The following KPTN variants were observed in gnomAD, a reference collection of about 807,000 sequenced individuals.
KPTN encodes KICSTOR complex protein kaptin.
A neutral mutation model predicts 52.6 loss-of-function variants in KPTN; 36 were observed. The ratio of observed to expected loss-of-function variants is 0.68; its 90% CI spans 0.52 to 0.90. The LOEUF is 0.90. Ranked by LOEUF, KPTN falls within the 40% of genes least tolerant of loss-of-function variation. The pLI, the probability that KPTN is intolerant of heterozygous loss-of-function variation, is 0.00. For missense variants in KPTN, 529 were observed against 576.2 expected (o/e 0.92, Z 0.84); for synonymous variants, 271 against 248.4 (o/e 1.09, Z -0.85).
chr19:47,483,581 T>C lies in KPTN; in HGVS notation c.230A>G (p.Asp77Gly). The C allele has an allele frequency of 6.4e-7, 1 of 1,553,810 alleles. No homozygotes were observed. Among genetic ancestry groups the C allele is most frequent in the Non-Finnish European group, 8.7e-7 (1 of 1,147,004 alleles). ...KELQFNYIPV[D>G]AEIVSIDTFN... ...AGTGTCGATGGAGACAATCTCCGCA[T>C]CCACTGGGAGGGGAGAGTTCTAAGT... is the stretch of plus-strand genomic sequence containing the variant. The change falls in exon 2 of 12, where the codon GAT becomes GGT. Residue 77 changes from aspartate to glycine, a missense_variant. Coordinates refer to ENST00000338134, the MANE Select transcript of KPTN (RefSeq NM_007059.4).
chr19:47,485,423 CTG>C (rs925491040), upstream of KPTN, among the ~76,000 whole-genome samples: 5 of 152,194 alleles, frequency 3.3e-5, no homozygotes, highest in Admixed American at 3.3e-4. Context: ...GGGTTCCTGT[CTG>C]TGCTGCTTTG....
chr19:47,475,538 G>A lies in KPTN; in HGVS notation c.1189C>T (p.Leu397=), dbSNP rs749554232. 1 of 1,612,674 alleles carries A rather than the reference G, an allele frequency of 6.2e-7. No homozygotes were observed. Among genetic ancestry groups the A allele is most frequent in the Non-Finnish European group, 8.5e-7 (1 of 1,178,926 alleles). ...LKGVHILQHS[L]IQASELVLTR... ...AAGACCAGCTCTGAGGCCTGAATCAGGCTGTGCTGTGGGGAACAAGAGAAT... is the reference window on the plus strand; with the variant it reads ...AAGACCAGCTCTGAGGCCTGAATCAAGCTGTGCTGTGGGGAACAAGAGAAT... Residue 397 remains leucine (L), a synonymous_variant, in exon 12 of 12, where the codon CTG becomes TTG. Coordinates refer to ENST00000338134, the MANE Select transcript of KPTN (RefSeq NM_007059.4).
chr19:47,479,071 C>T (rs1967775133), intron 8 of KPTN, among the ~76,000 whole-genome samples: 1 of 152,214 alleles, frequency 6.6e-6, no homozygotes, highest in Non-Finnish European at 1.5e-5. Flanking sequence ...GAGATGGAGC[C>T]TGGCTCCGCC....
intron 8 of KPTN, 112 bp downstream of exon 8, chr19:47,479,751 G>A: frequency 3.8e-6 from 3 of 794,020 alleles, no homozygotes; most frequent in Non-Finnish European, 6.3e-6. Flanking sequence ...AGGGACTGGG[G>A]TCTGCACACT....
In KPTN at chr19:47,483,016, G is replaced by C. The variant is rs889884315; in HGVS notation, c.449+145C>G. 3.4e-6 allele frequency: 3 copies of C among 888,798 alleles called. No individual in the cohort carries two copies. In the African/African-American group the frequency reaches 5.0e-5, roughly 15 times the overall value. 55.1% of individuals were successfully genotyped at this position (888,798 alleles called of 1,614,324 possible). On this transcript the variant is annotated intron_variant, in intron 4 of 11. Transcript: ENST00000338134. The stretch of plus-strand genomic sequence containing the variant: ...GCCACCGTGCCCGGCTGGCATTTTA[G>C]TTTTCAATCCCTAATCTAGTACAAC...
rs748568252 is a variant in KPTN at position 47,479,904 on chromosome 19, G to A, written c.746C>T (p.Pro249Leu). 5 of 1,613,558 alleles carry A rather than the reference G, an allele frequency of 3.1e-6. No individual in the cohort carries two copies. The highest frequency in any genetic ancestry group is 1.1e-5 in the South Asian group (1 of 91,032). Reference sequence around the variant, plus strand: ...GCTGAACACAATCACTCGGGAGATGGGACCGTCCTGCAGGACCGACCACAT... The same window carrying A: ...GCTGAACACAATCACTCGGGAGATGAGACCGTCCTGCAGGACCGACCACAT... ...LQMWSVLQDG[P>L]ISRVIVFSLS... Residue 249 changes from proline (P) to leucine (L), a missense_variant, in exon 8 of 12, where the codon CCC (proline) becomes CTC (leucine). Pro to Leu is a moderately conservative substitution (Grantham distance 98). Transcript: ENST00000338134.
At chr19:47,475,675 A>AGT in intron 11 of KPTN, 131 bp from the exon 12 acceptor site, 1 of 1,052,328 alleles carries the variant, frequency 9.5e-7, no homozygotes. Flanking sequence ...AGCAGACCAC[A>AGT]GTGTGTGGGA....
At chr19:47,483,423 A>C in intron 2 of KPTN, 44 bp from the exon 3 acceptor site, 1 of 1,603,508 alleles carries the variant, frequency 6.2e-7, no homozygotes. Context: ...GGGTGGCAGG[A>C]GGGATCCGGG....
At chr19:47,479,092 G>A (rs923142798) in intron 8 of KPTN, among the ~76,000 whole-genome samples, 5 of 152,192 alleles carry the variant, frequency 3.3e-5, no homozygotes, top group African/African-American at 9.6e-5. Context: ...ACCCAGGCTG[G>A]AGTGCAGTGG....
intron 8 of KPTN, among the ~76,000 whole-genome samples, chr19:47,479,167 C>T (rs1380911672): frequency 2.6e-5 from 4 of 152,134 alleles, no homozygotes; most frequent in Non-Finnish European, 5.9e-5. Context: ...CTCAGCCTTC[C>T]GAGTAGCTGG....
At chr19:47,480,610 C>T in intron 6 of KPTN, 150 bp downstream of exon 6, 1 of 820,614 alleles carries the variant, frequency 1.2e-6, no homozygotes, top group Non-Finnish European at 2.0e-6. Context: ...TTTCTGGGGT[C>T]ACCCCTGCTG....
Position 47,483,371 on chromosome 19 carries a change from C to T in KPTN, c.318G>A (p.Gly106=). Residue 106 remains glycine (G), a synonymous_variant, in exon 3 of 12, where the codon GGG becomes GGA. Coordinates refer to ENST00000338134, the MANE Select transcript of KPTN (RefSeq NM_007059.4). ...TGTTCAGGAAGGGGCTGCCCTTGTC[C>T]CCTGAATCCTGGCGGAGGACACGGG... ...VVGITFIKDS[G]DKGSPFLNIY... 1.2e-6 allele frequency: 2 copies of T among 1,613,916 alleles called. No individual in the cohort carries two copies. The highest frequency in any genetic ancestry group is 1.7e-6 in the Non-Finnish European group (2 of 1,179,992).
In KPTN at chr19:47,478,299, G is replaced by A. The variant is rs187543431; in HGVS notation, c.788-518C>T. Among the ~76,000 whole-genome samples, 394 of 151,934 alleles carry A rather than the reference G, an allele frequency of 2.6e-3. 3 individuals are homozygous for A. Among genetic ancestry groups the A allele is most frequent in the Admixed American group, 4.1e-3 (63 of 15,248 alleles). On this transcript the variant is annotated intron_variant, in intron 8 of 11. Coordinates refer to ENST00000338134, the MANE Select transcript of KPTN (RefSeq NM_007059.4). The stretch of plus-strand genomic sequence containing the variant: ...TAGATGATGGCTTAAAAAGTCTGAG[G>A]TTCTGGGTGTGGTGGCTCATGTAAT...
chr19:47,476,755 G>A, intron 10 of KPTN, 41 bp from the exon 11 acceptor site: 1 of 1,604,644 alleles, frequency 6.2e-7, no homozygotes, highest in Non-Finnish European at 8.5e-7. Flanking sequence ...TTGATGGGGG[G>A]ACAGTGGAGG....
intron 4 of KPTN, among the ~76,000 whole-genome samples, chr19:47,481,344 T>C (rs2122693855): frequency 6.6e-6 from 1 of 152,282 alleles, no homozygotes. Flanking sequence ...CTTCACTCTG[T>C]GGATTCAGGA....
At chr19:47,476,340 T>C (rs1967663594) in intron 11 of KPTN, among the ~76,000 whole-genome samples, 192 bp downstream of exon 11, 1 of 95,330 alleles carries the variant, frequency 1.0e-5, no homozygotes, top group Non-Finnish European at 2.1e-5. Context: ...TAAATAAATC[T>C]CCTTCACCAG....
intron 3 of KPTN, 29 bp downstream of exon 3, chr19:47,483,266 C>T: frequency 6.2e-7 from 1 of 1,613,438 alleles, no homozygotes; most frequent in Non-Finnish European, 8.5e-7. Flanking sequence ...TGGGGACTCT[C>T]TCCCTCCTCC....
intron 10 of KPTN, 40 bp downstream of exon 10, chr19:47,476,763 A>G (rs1238232245): frequency 6.2e-7 from 1 of 1,602,330 alleles, no homozygotes; most frequent in East Asian, 2.3e-5. Context: ...GGGACAGTGG[A>G]GGGAGGCCGG....
chr19:47,479,933 C>T lies in KPTN; in HGVS notation c.717G>A (p.Leu239=). 6.2e-7 allele frequency: 1 copy of T among 1,612,934 alleles called. No individual in the cohort carries two copies. The change falls in exon 8 of 12, where the codon CTG becomes CTA. Residue 239 remains leucine (L), a synonymous_variant. Coordinates refer to ENST00000338134, the MANE Select transcript of KPTN (RefSeq NM_007059.4). ...AHVDQRSREV[L]QMWSVLQDGP... Reference sequence around the variant, plus strand: ...CGTCCTGCAGGACCGACCACATCTGCAGAACCTCTGCGTGGAGAGCGAGGA... The same window carrying T: ...CGTCCTGCAGGACCGACCACATCTGTAGAACCTCTGCGTGGAGAGCGAGGA...
Sources: gnomAD v4.1 joint callset for allele counts (sites outside exome capture counted in the v4.1 genomes callset) on GRCh38, gnomAD v4.1.1 for gene constraint, MANE v1.5 for transcripts, NCBI Gene and HGNC (gene_info 2026-07-23, HGNC 2026-07-21) for gene names.